GABRB1: variants seen among roughly 807,000 people sequenced by gnomAD.
GABRB1 encodes gamma-aminobutyric acid receptor subunit beta-1.
A neutral mutation model predicts 51.6 loss-of-function variants in GABRB1; 17 were observed. The ratio of observed to expected loss-of-function variants is 0.33; its 90% CI spans 0.23 to 0.49. The LOEUF (loss-of-function observed/expected upper bound fraction) is 0.49, where lower values mean the gene tolerates loss of function less well. Among genes scored for constraint, GABRB1 ranks in the 20% least tolerant of loss-of-function variants. The pLI is 0.99. For missense variants in GABRB1, 410 were observed against 600.6 expected, an observed-to-expected ratio of 0.68 and a Z score of 3.32; for synonymous variants, 247 against 218.9, an observed-to-expected ratio of 1.13 and a Z score of -1.14.
At chr4:47,301,142 C>A (rs997849500) in intron 4 of GABRB1, among the ~76,000 whole-genome samples, 3 of 152,046 alleles carry the variant, frequency 2.0e-5, no homozygotes, top group African/African-American at 7.2e-5. Context: ...GTTATGTTGA[C>A]TCTTAGGTTT....
At chr4:47,179,341 G>T (rs561442312) in intron 4 of GABRB1, among the ~76,000 whole-genome samples, 17 of 152,120 alleles carry the variant, frequency 1.1e-4, no homozygotes, top group African/African-American at 4.1e-4. Flanking sequence ...TCATTGAAGG[G>T]CATAGTTCAA....
chr4:47,027,790 T>C (rs1176932961), upstream of GABRB1, among the ~76,000 whole-genome samples: 1 of 151,710 alleles, frequency 6.6e-6, no homozygotes, highest in Non-Finnish European at 1.5e-5. Flanking sequence ...ATAATGGTGT[T>C]GCTGCCTTAT....
At chr4:47,053,643 A>C (rs931629723) in intron 3 of GABRB1, among the ~76,000 whole-genome samples, 12 of 152,118 alleles carry the variant, frequency 7.9e-5, no homozygotes, top group African/African-American at 2.9e-4. Flanking sequence ...TTAGCCAACC[A>C]TGTGATGTGG....
intron 4 of GABRB1, among the ~76,000 whole-genome samples, chr4:47,319,830 A>G (rs1014531432): frequency 6.6e-6 from 1 of 152,136 alleles, no homozygotes; most frequent in Non-Finnish European, 1.5e-5. Context: ...TCTTTGTTGG[A>G]AAGTTTTTAA....
intron 3 of GABRB1, among the ~76,000 whole-genome samples, chr4:47,080,587 T>C (rs1329670212): frequency 6.6e-6 from 1 of 152,238 alleles, no homozygotes; most frequent in East Asian, 1.9e-4. Flanking sequence ...CTTTATTATG[T>C]CTATTTTGTT....
intron 5 of GABRB1, among the ~76,000 whole-genome samples, chr4:47,387,294 C>G (rs1727831175): frequency 6.6e-6 from 1 of 152,136 alleles, no homozygotes; most frequent in South Asian, 2.1e-4. Context: ...AACCCCATCT[C>G]TGCTAAAAAT....
intron 3 of GABRB1, among the ~76,000 whole-genome samples, chr4:47,065,621 T>C (rs1419933809): frequency 6.6e-6 from 1 of 152,286 alleles, no homozygotes; most frequent in African/African-American, 2.4e-5. Context: ...TTCTTCTTAA[T>C]ATGAGAACTC....
At chr4:47,052,022 G>A (rs911951200) in intron 3 of GABRB1, among the ~76,000 whole-genome samples, 6 of 152,106 alleles carry the variant, frequency 3.9e-5, no homozygotes, top group South Asian at 4.2e-4. Flanking sequence ...TCAGCTACAC[G>A]GGAGGCTGAG....
At chr4:47,417,940 C>A (rs1366317363) in intron 8 of GABRB1, among the ~76,000 whole-genome samples, 2 of 152,134 alleles carry the variant, frequency 1.3e-5, no homozygotes, top group Admixed American at 1.3e-4. Flanking sequence ...CAGTGAGTGG[C>A]AACATTTTTC....
chr4:47,341,502 C>T (rs1037790289), intron 5 of GABRB1, among the ~76,000 whole-genome samples: 2 of 152,116 alleles, frequency 1.3e-5, no homozygotes, highest in African/African-American at 4.8e-5. Context: ...TGGGACACAA[C>T]AAAGAGCAAT....
At chr4:47,055,498 C>G (rs1407246978) in intron 3 of GABRB1, among the ~76,000 whole-genome samples, 1 of 152,066 alleles carries the variant, frequency 6.6e-6, no homozygotes, top group African/African-American at 2.4e-5. Context: ...TGCACTTTGT[C>G]GAAATATTGT....
At chr4:47,099,688 T>C (rs1304898793) in intron 3 of GABRB1, among the ~76,000 whole-genome samples, 3 of 152,166 alleles carry the variant, frequency 2.0e-5, no homozygotes, top group Admixed American at 1.3e-4. Context: ...GAAAAGTCTC[T>C]GTAGAGCTGG....
chr4:47,345,913 T>C (rs1322786148), intron 5 of GABRB1, among the ~76,000 whole-genome samples: 1 of 152,166 alleles, frequency 6.6e-6, no homozygotes, highest in Non-Finnish European at 1.5e-5. Flanking sequence ...TAAAATGGCA[T>C]GTGTGCAGAC....
intron 3 of GABRB1, among the ~76,000 whole-genome samples, chr4:47,064,897 C>T (rs1727010094): frequency 6.6e-6 from 1 of 151,948 alleles, no homozygotes. Flanking sequence ...TTGTGAAAGC[C>T]AATAGGATTA....
In GABRB1 at chr4:47,207,510, G is replaced by T. The variant is rs13135929; in HGVS notation, c.461+46041G>T. ...TATACAATGAGATTTAACTTCCACA[G>T]TTCTCGTACTCTTAACCCTTTTAGG... On this transcript the variant is annotated intron_variant, in intron 4 of 8. Transcript: ENST00000295454. 1.4e-3 allele frequency among the ~76,000 whole-genome samples: 209 copies of T among 152,038 alleles called. 1 individual carries two copies. The Middle Eastern group carries it at 0.051, about 37-fold the overall frequency.
intron 4 of GABRB1, among the ~76,000 whole-genome samples, chr4:47,229,189 A>G (rs1373645440): frequency 6.6e-6 from 1 of 152,184 alleles, no homozygotes; most frequent in Non-Finnish European, 1.5e-5. Flanking sequence ...ATTTGAAGTG[A>G]CTGATTGAAA....
chr4:47,104,895 A>G (rs2109614952), intron 3 of GABRB1, among the ~76,000 whole-genome samples: 1 of 152,094 alleles, frequency 6.6e-6, no homozygotes, highest in Admixed American at 6.6e-5. Flanking sequence ...AAATTCTCTG[A>G]TTGTTTCAAC....
At chr4:47,138,854 T>C (rs1415958058) in intron 3 of GABRB1, among the ~76,000 whole-genome samples, 1 of 152,114 alleles carries the variant, frequency 6.6e-6, no homozygotes, top group Non-Finnish European at 1.5e-5. Flanking sequence ...GTAAATTTTC[T>C]AATACATTTA....
chr4:47,106,241 G>A (rs980973974), intron 3 of GABRB1, among the ~76,000 whole-genome samples: 3 of 151,938 alleles, frequency 2.0e-5, no homozygotes, highest in East Asian at 1.9e-4. Context: ...AGTTCAAAGA[G>A]GTAATTAATT....
Sources: gnomAD v4.1 joint callset for allele counts (sites outside exome capture counted in the v4.1 genomes callset) on GRCh38, gnomAD v4.1.1 for gene constraint, MANE v1.5 for transcripts, NCBI Gene and HGNC (gene_info 2026-07-23, HGNC 2026-07-21) for gene names.